ESRRG: variants seen among roughly 807,000 people sequenced by gnomAD.
ESRRG encodes estrogen related receptor gamma.
Under a neutral mutation model 44.0 loss-of-function variants are expected in ESRRG, and 13 were observed. The ratio of observed to expected loss-of-function variants is 0.30; its 90% CI spans 0.19 to 0.47. The LOEUF (loss-of-function observed/expected upper bound fraction) is 0.47, where lower values mean the gene tolerates loss of function less well. Ranked by LOEUF, ESRRG falls within the 20% of genes least tolerant of loss-of-function variation. The pLI, the probability that ESRRG is intolerant of heterozygous loss-of-function variation, is 1.00. For synonymous variants in ESRRG, 215 were observed against 214.6 expected (o/e 1.00, Z -0.02); for missense variants, 395 against 580.6 (o/e 0.68, Z 3.29).
intron 3 of ESRRG, among the ~76,000 whole-genome samples, chr1:216,609,482 C>T (rs1242188419): frequency 1.3e-5 from 2 of 152,182 alleles, no homozygotes; most frequent in African/African-American, 2.4e-5. Flanking sequence ...GAGCCCTGAA[C>T]CCCAGGTGAG....
intron 1 of ESRRG, among the ~76,000 whole-genome samples, chr1:217,132,532 C>T (rs2092980046): frequency 1.3e-5 from 2 of 152,164 alleles, no homozygotes; most frequent in South Asian, 4.1e-4. Context: ...ACTTAGCAGC[C>T]AGTGGCACCA....
intron 1 of ESRRG, among the ~76,000 whole-genome samples, chr1:216,977,170 T>G (rs1242608986): frequency 6.6e-6 from 1 of 152,150 alleles, no homozygotes; most frequent in African/African-American, 2.4e-5. Context: ...CTTAAAAATT[T>G]TTTTAGCATA....
intron 1 of ESRRG, among the ~76,000 whole-genome samples, chr1:217,129,276 A>G (rs1450594088): frequency 6.6e-6 from 1 of 152,238 alleles, no homozygotes; most frequent in Non-Finnish European, 1.5e-5. Context: ...ATACAAATCG[A>G]AACAACAGTG....
At chr1:216,803,598 C>T (rs141773405) in intron 2 of ESRRG, among the ~76,000 whole-genome samples, 213 of 152,172 alleles carry the variant, frequency 1.4e-3, no homozygotes, top group Admixed American at 3.0e-3. Flanking sequence ...TTGAACAGGA[C>T]ATTCCTCTTA....
chr1:217,085,393 C>G (rs1379563514), intron 1 of ESRRG, among the ~76,000 whole-genome samples: 1 of 150,844 alleles, frequency 6.6e-6, no homozygotes, highest in Non-Finnish European at 1.5e-5. Flanking sequence ...AATTCCAATA[C>G]AAACGTCGTA....
At chr1:217,104,487 C>T (rs1263485765) in intron 1 of ESRRG, among the ~76,000 whole-genome samples, 1 of 152,208 alleles carries the variant, frequency 6.6e-6, no homozygotes, top group African/African-American at 2.4e-5. Flanking sequence ...ACTATCTGAG[C>T]TTCATTTCTT....
At chr1:216,531,110 A>G (rs1331370508) in intron 5 of ESRRG, among the ~76,000 whole-genome samples, 1 of 152,164 alleles carries the variant, frequency 6.6e-6, no homozygotes, top group Non-Finnish European at 1.5e-5. Flanking sequence ...ACAAAGTGCC[A>G]TATGTATTCA....
At chr1:216,528,488 G>A (rs1057203163) in intron 5 of ESRRG, among the ~76,000 whole-genome samples, 11 of 152,030 alleles carry the variant, frequency 7.2e-5, no homozygotes, top group African/African-American at 2.7e-4. Context: ...ACCTATCCTA[G>A]TTGTACAATT....
intron 1 of ESRRG, among the ~76,000 whole-genome samples, chr1:217,126,703 G>C (rs189486692): frequency 6.6e-6 from 1 of 152,078 alleles, no homozygotes; most frequent in Non-Finnish European, 1.5e-5. Context: ...CCTGCTAATC[G>C]AGTATCCTCA....
At chr1:216,978,547 C>T (rs1390218630) in intron 1 of ESRRG, among the ~76,000 whole-genome samples, 1 of 152,154 alleles carries the variant, frequency 6.6e-6, no homozygotes, top group Non-Finnish European at 1.5e-5. Flanking sequence ...ACACTGTGGC[C>T]TCAGCACTGC....
chr1:216,545,614 C>CA (rs1281905147), intron 5 of ESRRG, among the ~76,000 whole-genome samples: 1 of 151,888 alleles, frequency 6.6e-6, no homozygotes, highest in Non-Finnish European at 1.5e-5. Context: ...TATTGATATT[C>CA]AAATAATAAG....
intron 5 of ESRRG, among the ~76,000 whole-genome samples, chr1:216,526,755 TCATGAAG>T (rs1381605549): frequency 1.3e-5 from 2 of 152,094 alleles, no homozygotes; most frequent in African/African-American, 4.8e-5. Context: ...ACCGAGCTAA[TCATGAAG>T]CACAAGGCTG....
At position 216,658,919 on chromosome 1, in the gene ESRRG, T is replaced by G. The variant is rs1316642711; in HGVS notation, c.473-7830A>C. 1.7e-3 allele frequency among the ~76,000 whole-genome samples: 222 copies of G among 131,592 alleles called. 2 individuals are homozygous for G. The highest frequency in any genetic ancestry group is 6.2e-3 in the African/African-American group (211 of 33,910). 86.3% of individuals were successfully genotyped at this position (131,592 alleles called of 152,430 possible). On this transcript the variant is annotated intron_variant, in intron 2 of 6. Coordinates refer to ENST00000408911, the MANE Select transcript of ESRRG (RefSeq NM_001438.4). Reference sequence around the variant, plus strand: ...AGAAGAGAAGAGAAGAGAAGAGAAATAAAGAAAAGAAAAGAAAAGTAGAGA... The same window carrying G: ...AGAAGAGAAGAGAAGAGAAGAGAAAGAAAGAAAAGAAAAGAAAAGTAGAGA...
chr1:216,824,512 A>C (rs2095358488), intron 2 of ESRRG, among the ~76,000 whole-genome samples: 1 of 151,592 alleles, frequency 6.6e-6, no homozygotes, highest in South Asian at 2.1e-4. Context: ...TATTAGACAG[A>C]GTGTGAACTA....
intron 2 of ESRRG, among the ~76,000 whole-genome samples, chr1:216,736,873 A>C (rs757933372): frequency 6.6e-5 from 10 of 152,136 alleles, no homozygotes; most frequent in Non-Finnish European, 1.2e-4. Flanking sequence ...TGAGAATAGG[A>C]TCTCTATAGA....
At chr1:216,634,624 C>T (rs978923877) in intron 3 of ESRRG, among the ~76,000 whole-genome samples, 3 of 152,146 alleles carry the variant, frequency 2.0e-5, no homozygotes, top group Non-Finnish European at 2.9e-5. Context: ...TAATTAGAGA[C>T]GAGCCAGTGC....
At chr1:216,606,760 T>C (rs1267553716) in intron 3 of ESRRG, among the ~76,000 whole-genome samples, 1 of 152,184 alleles carries the variant, frequency 6.6e-6, no homozygotes, top group Non-Finnish European at 1.5e-5. Flanking sequence ...ATGTACCTGG[T>C]ATGTAACACA....
intron 5 of ESRRG, among the ~76,000 whole-genome samples, chr1:216,558,831 A>G (rs928436764): frequency 1.3e-5 from 2 of 151,820 alleles, no homozygotes; most frequent in African/African-American, 4.8e-5. Context: ...ACCTTTAAAT[A>G]TTTCATAATT....
At position 216,601,766 on chromosome 1, in the gene ESRRG, G is replaced by T. The variant is rs534347634; in HGVS notation, c.590-33668C>A. Reference sequence around the variant, plus strand: ...AAGAGAAATAAAGGCATAGATGAAGGGGCTTGCATCAAGTTCAAAAAAGAG... The same window carrying T: ...AAGAGAAATAAAGGCATAGATGAAGTGGCTTGCATCAAGTTCAAAAAAGAG... On this transcript the variant is annotated intron_variant, in intron 3 of 6. Transcript: ENST00000408911. Among the ~76,000 whole-genome samples, 33 of 152,266 alleles carry T rather than the reference G, an allele frequency of 2.2e-4. 1 individual carries two copies. The South Asian group carries it at 6.4e-3, about 30-fold the overall frequency.
Sources: allele counts gnomAD v4.1 joint callset (sites outside exome capture counted in the v4.1 genomes callset), GRCh38; gene constraint gnomAD v4.1.1; transcripts MANE v1.5; gene names NCBI Gene and HGNC (gene_info 2026-07-23, HGNC 2026-07-21).